Variants in PLS1 observed in about 807,000 individuals in gnomAD.
PLS1 encodes the protein plastin-1.
In PLS1, 32 loss-of-function variants were observed where a neutral mutation model predicts 73.7. The ratio of observed to expected loss-of-function variants is 0.43; its 90% CI spans 0.33 to 0.58. PLS1 has a LOEUF of 0.58. PLS1 is among the 20% of genes least tolerant of loss of function. The probability of loss-of-function intolerance (pLI) is 0.04; values close to 1 mark genes in which losing one functional copy is unlikely to be tolerated. For missense variants in PLS1, 633 were observed against 740.5 expected (o/e 0.85, Z 1.68); for synonymous variants, 217 against 261.3 (o/e 0.83, Z 1.63).
chr3:142,687,474 T>G (rs1306633265), intron 9 of PLS1, among the ~76,000 whole-genome samples: 1 of 152,210 alleles, frequency 6.6e-6, no homozygotes, highest in Non-Finnish European at 1.5e-5. Flanking sequence ...ATATCTCACA[T>G]TATTATAATG....
chr3:142,667,329 C>A (rs1182997963), intron 2 of PLS1, among the ~76,000 whole-genome samples: 2 of 152,014 alleles, frequency 1.3e-5, no homozygotes, highest in African/African-American at 4.8e-5. Flanking sequence ...GCAGGAGAAT[C>A]GCTTGAACCT....
chr3:142,712,188 C>G lies in PLS1; in HGVS notation c.*181C>G. 1 of 501,188 alleles carries G rather than the reference C, an allele frequency of 2.0e-6. No individual in the cohort carries two copies. The highest frequency in any genetic ancestry group is 3.5e-6 in the Non-Finnish European group (1 of 285,646). The allele number at this position is 501,188 out of a possible 1,614,324, so 31.0% of individuals were successfully genotyped here. On this transcript the variant is annotated 3_prime_UTR_variant, in exon 16 of 16. Coordinates refer to ENST00000457734, the MANE Select transcript of PLS1 (RefSeq NM_001145319.2). ...AGCTGGTCAGCCTTTTTGGGTAACA[C>G]AGTTAATTTACCAACTGATACAGAT... is the stretch of plus-strand genomic sequence containing the variant.
chr3:142,646,283 A>G (rs915594232), intron 1 of PLS1, among the ~76,000 whole-genome samples: 3 of 152,102 alleles, frequency 2.0e-5, no homozygotes, highest in Non-Finnish European at 2.9e-5. Flanking sequence ...ACTGTGTATG[A>G]GGCATGAGTG....
intron 1 of PLS1, among the ~76,000 whole-genome samples, chr3:142,654,385 G>A (rs541469255): frequency 2.0e-4 from 30 of 152,126 alleles, no homozygotes; most frequent in Middle Eastern, 3.4e-3. Context: ...TTGCTCTGTC[G>A]CCCAGGCTGG....
intron 1 of PLS1, among the ~76,000 whole-genome samples, chr3:142,626,291 T>C (rs1352666918): frequency 6.6e-6 from 1 of 152,030 alleles, no homozygotes; most frequent in African/African-American, 2.4e-5. Context: ...CAATGAGACA[T>C]GGATTTGTTA....
intron 1 of PLS1, chr3:142,623,603 C>T (rs1243617453): frequency 6.6e-6 from 1 of 152,140 alleles, no homozygotes; most frequent in Non-Finnish European, 1.5e-5. Context: ...GTAAGACAGC[C>T]TCGGATTCCA....
chr3:142,686,883 AC>A (rs2037981582), intron 9 of PLS1, among the ~76,000 whole-genome samples: 3 of 152,196 alleles, frequency 2.0e-5, no homozygotes, highest in Non-Finnish European at 4.4e-5. Context: ...GGCAATTGGA[AC>A]TCACCAGGGT....
At chr3:142,689,021 A>AAGCT (rs1254237154) in intron 9 of PLS1, among the ~76,000 whole-genome samples, 1 of 152,188 alleles carries the variant, frequency 6.6e-6, no homozygotes, top group Non-Finnish European at 1.5e-5. Flanking sequence ...CTATAGTGCA[A>AAGCT]CCAGTAGGAG....
intron 1 of PLS1, among the ~76,000 whole-genome samples, chr3:142,657,592 C>T (rs2107809451): frequency 6.6e-6 from 1 of 152,308 alleles, no homozygotes; most frequent in South Asian, 2.1e-4. Context: ...TGGGTTCAAG[C>T]AATTCTCCTG....
intron 1 of PLS1, among the ~76,000 whole-genome samples, chr3:142,650,696 C>T (rs994780207): frequency 3.9e-5 from 6 of 151,996 alleles, no homozygotes; most frequent in African/African-American, 1.5e-4. Flanking sequence ...AGGACTGTTG[C>T]CAGAAGAAGG....
intron 12 of PLS1, among the ~76,000 whole-genome samples, chr3:142,701,469 T>C (rs867115078): frequency 7.2e-5 from 11 of 152,322 alleles, no homozygotes; most frequent in Middle Eastern, 3.4e-3. Context: ...TTTTGGATTT[T>C]TGGATTTTCA....
intron 9 of PLS1, among the ~76,000 whole-genome samples, chr3:142,688,525 C>T (rs923820558): frequency 3.3e-5 from 5 of 152,198 alleles, no homozygotes; most frequent in Non-Finnish European, 5.9e-5. Flanking sequence ...ATTTTCTGTA[C>T]AGTTCTTCCC....
intron 1 of PLS1, chr3:142,623,358 A>G (rs2036353739): frequency 6.6e-6 from 1 of 152,212 alleles, no homozygotes; most frequent in South Asian, 2.1e-4. Context: ...CATGTTGCAG[A>G]TTGGCCTTTC....
chr3:142,682,459 C>G (rs1178236834), intron 6 of PLS1, among the ~76,000 whole-genome samples: 1 of 152,110 alleles, frequency 6.6e-6, no homozygotes, highest in African/African-American at 2.4e-5. Flanking sequence ...TTGTCATTGT[C>G]CAGGCTGAGA....
At chr3:142,602,607 C>G (rs143318025) in intron 1 of PLS1, among the ~76,000 whole-genome samples, 6 of 152,164 alleles carry the variant, frequency 3.9e-5, no homozygotes, top group South Asian at 4.2e-4. Context: ...AGGCCCCCCC[C>G]ACCCCATAGG....
chr3:142,669,583 A>G (rs1236124388), intron 3 of PLS1, 30 bp downstream of exon 3: 2 of 1,555,476 alleles, frequency 1.3e-6, no homozygotes, highest in Non-Finnish European at 1.8e-6. Flanking sequence ...CGGGCTACTG[A>G]TAATCTTGCT....
intron 1 of PLS1, among the ~76,000 whole-genome samples, chr3:142,643,260 G>A (rs2036880436): frequency 6.6e-6 from 1 of 152,224 alleles, no homozygotes; most frequent in East Asian, 1.9e-4. Context: ...AGAGTGATCA[G>A]AGAGGAGGTG....
rs73868112 is a variant in PLS1 at position 142,671,296 on chromosome 3, C to A, written c.364+174C>A. On this transcript the variant is annotated intron_variant, in intron 4 of 15. Transcript: ENST00000457734. ...ACATGCCATTGAATTTGAAATACAT[C>A]TCAGTTTCACAGATGTCAAAATGAA... is the stretch of plus-strand genomic sequence containing the variant. Among the ~76,000 whole-genome samples, 6,483 of 152,258 alleles carry A rather than the reference C, an allele frequency of 0.043. 450 individuals carry two copies. Among genetic ancestry groups the A allele is most frequent in the African/African-American group, 0.15 (6,111 of 41,528 alleles).
At chr3:142,662,712 T>C (rs746719061) in intron 1 of PLS1, among the ~76,000 whole-genome samples, 6 of 152,124 alleles carry the variant, frequency 3.9e-5, no homozygotes, top group Non-Finnish European at 8.8e-5. Context: ...TTATTTGTAA[T>C]GAAAAATTAG....
Sources: gnomAD v4.1 joint callset for allele counts (sites outside exome capture counted in the v4.1 genomes callset) on GRCh38, gnomAD v4.1.1 for gene constraint, MANE v1.5 for transcripts, NCBI Gene and HGNC (gene_info 2026-07-23, HGNC 2026-07-21) for gene names.